LRRIQ1: variants seen among roughly 807,000 people sequenced by gnomAD.
The protein encoded by LRRIQ1 is leucine-rich repeat- and IQ domain-containing protein 1.
In LRRIQ1, 210 loss-of-function variants were observed where a neutral mutation model predicts 211.9. That is an observed-to-expected ratio of 0.99 (90% confidence interval 0.89 to 1.11). The LOEUF is 1.11. Among genes scored for constraint, LRRIQ1 ranks in the 50% most tolerant of loss-of-function variants. The pLI, the probability that LRRIQ1 is intolerant of heterozygous loss-of-function variation, is 0.00. For synonymous variants in LRRIQ1, 699 were observed against 650.1 expected, an observed-to-expected ratio of 1.08 and a Z score of -1.14; for missense variants, 2,136 against 1,939.5, an observed-to-expected ratio of 1.10 and a Z score of -1.90.
chr12:85,046,301 A>G (rs187690645), intron 5 of LRRIQ1, among the ~76,000 whole-genome samples, 164 bp downstream of exon 5: 161 of 152,324 alleles, frequency 1.1e-3, no homozygotes, highest in African/African-American at 3.7e-3. Flanking sequence ...ACATATCATC[A>G]TACTTTTATG....
At chr12:85,229,476 C>T (rs1473475842) in intron 24 of LRRIQ1, 41 bp from the exon 25 acceptor site, 3 of 1,520,436 alleles carry the variant, frequency 2.0e-6, no homozygotes, top group East Asian at 4.8e-5. Context: ...AAAGTTTGGT[C>T]TCTTTAAATA....
intron 24 of LRRIQ1, among the ~76,000 whole-genome samples, chr12:85,164,276 T>C (rs1036026691): frequency 6.6e-6 from 1 of 152,206 alleles, no homozygotes; most frequent in Non-Finnish European, 1.5e-5. Flanking sequence ...CATAGCTTAA[T>C]GGACATTAGT....
At chr12:85,249,745 T>C (rs1173238150), downstream of LRRIQ1, among the ~76,000 whole-genome samples, 1 of 151,958 alleles carries the variant, frequency 6.6e-6, no homozygotes, top group Non-Finnish European at 1.5e-5. Flanking sequence ...CAAAAACATT[T>C]TCTTTAACAT....
intron 24 of LRRIQ1, among the ~76,000 whole-genome samples, chr12:85,163,693 A>T (rs1473275676): frequency 6.6e-6 from 1 of 152,150 alleles, no homozygotes; most frequent in Non-Finnish European, 1.5e-5. Context: ...AGGATGGTAG[A>T]TATATCTCTG....
intron 8 of LRRIQ1, among the ~76,000 whole-genome samples, chr12:85,059,287 G>C (rs1026619497): frequency 6.6e-6 from 1 of 151,916 alleles, no homozygotes; most frequent in Non-Finnish European, 1.5e-5. Context: ...GACATAAATC[G>C]GATCTTCGTG....
intron 23 of LRRIQ1, among the ~76,000 whole-genome samples, chr12:85,156,963 G>C (rs1890584300): frequency 6.6e-6 from 1 of 151,884 alleles, no homozygotes; most frequent in Non-Finnish European, 1.5e-5. Flanking sequence ...TTCTGCCACA[G>C]AAAACCTTAG....
At chr12:85,263,380 T>C (rs1257557213) in exon 2 of LRRIQ1, among the ~76,000 whole-genome samples, 2 of 152,080 alleles carry the variant, frequency 1.3e-5, no homozygotes, top group Non-Finnish European at 2.9e-5. Flanking sequence ...CAATAATAAA[T>C]ATTAATGCTA....
At chr12:85,124,781 G>C (rs942509902) in intron 17 of LRRIQ1, 10 of 338,302 alleles carry the variant, frequency 3.0e-5, no homozygotes, top group Non-Finnish European at 4.9e-5. Context: ...TTTCTGCCTT[G>C]TAATTTCTAA....
intron 15 of LRRIQ1, among the ~76,000 whole-genome samples, chr12:85,118,645 T>A (rs978003723): frequency 2.0e-5 from 3 of 152,064 alleles, no homozygotes; most frequent in Non-Finnish European, 4.4e-5. Flanking sequence ...CTAGGCATTT[T>A]TGCCTTCATG....
chr12:85,037,044 C>A (rs1878206112), intron 1 of LRRIQ1, among the ~76,000 whole-genome samples: 2 of 152,156 alleles, frequency 1.3e-5, no homozygotes, highest in African/African-American at 2.4e-5. Context: ...CAACAGATTT[C>A]TAAGAATTAC....
At chr12:85,105,457 C>T (rs924300070) in intron 14 of LRRIQ1, among the ~76,000 whole-genome samples, 4 of 151,658 alleles carry the variant, frequency 2.6e-5, no homozygotes, top group Non-Finnish European at 2.9e-5. Context: ...TTTTCATAAT[C>T]GAATTACTTT....
chr12:85,217,466 GTATATATA>G (rs1176544778), intron 24 of LRRIQ1, among the ~76,000 whole-genome samples: 8 of 67,026 alleles, frequency 1.2e-4, no homozygotes, highest in Non-Finnish European at 1.9e-4. Flanking sequence ...GGGACCTGAA[GTATATATA>G]TATATATATA....
At chr12:85,257,577 T>A (rs1896156707) in intron 1 of LRRIQ1, among the ~76,000 whole-genome samples, 1 of 151,616 alleles carries the variant, frequency 6.6e-6, no homozygotes, top group Non-Finnish European at 1.5e-5. Flanking sequence ...ATTTAAAAGT[T>A]TAAACACCCA....
chr12:85,272,452 A>T, the LRRIQ1 span, among the ~76,000 whole-genome samples: 1 of 152,204 alleles, frequency 6.6e-6, no homozygotes, highest in Non-Finnish European at 1.5e-5. Context: ...TAAAATAAAA[A>T]ATTTCAAGAA....
chr12:85,043,518 C>A (rs1208563810), intron 3 of LRRIQ1, among the ~76,000 whole-genome samples: 3 of 152,080 alleles, frequency 2.0e-5, no homozygotes, highest in Non-Finnish European at 4.4e-5. Flanking sequence ...ATGATCTTTT[C>A]TCAGACATCA....
intron 1 of LRRIQ1, among the ~76,000 whole-genome samples, chr12:85,250,826 T>A (rs1895892139): frequency 8.5e-6 from 1 of 117,182 alleles, no homozygotes; most frequent in Admixed American, 1.2e-4. Context: ...TAATATATAT[T>A]ATAGATTATA....
In LRRIQ1 at chr12:85,181,288, A is replaced by G. The variant is rs534209769; in HGVS notation, c.4822+20574A>G. On this transcript the variant is annotated intron_variant, in intron 24 of 26. Coordinates refer to ENST00000393217, the MANE Select transcript of LRRIQ1 (RefSeq NM_001079910.2). Reference sequence around the variant, plus strand: ...TTATAAAGATAAAATTTATATTGCAATATTTTTCATGAAGAATAGAAAAAC... The same window carrying G: ...TTATAAAGATAAAATTTATATTGCAGTATTTTTCATGAAGAATAGAAAAAC... 5.3e-5 allele frequency among the ~76,000 whole-genome samples: 8 copies of G among 152,088 alleles called. No homozygotes were observed. The South Asian group carries it at 1.5e-3, about 28-fold the overall frequency.
rs371312575 is a variant in LRRIQ1 at position 85,253,013 on chromosome 12, A to G, written c.121+8104A>G. On this transcript the variant is annotated intron_variant, in intron 1 of 1. Coordinates refer to the LRRIQ1 transcript ENST00000602731. Reference sequence around the variant, plus strand: ...TTTTTTTAAAGTAGAGCTTAAGTTTATTTTCAAAAATAAAAAAAAGTAATG... The same window carrying G: ...TTTTTTTAAAGTAGAGCTTAAGTTTGTTTTCAAAAATAAAAAAAAGTAATG... Among the ~76,000 whole-genome samples, 8 of 152,084 alleles carry G rather than the reference A, an allele frequency of 5.3e-5. No homozygotes were observed. The East Asian group carries it at 5.8e-4, about 11-fold the overall frequency.
chr12:85,127,540 A>G (rs1233494090), intron 17 of LRRIQ1, among the ~76,000 whole-genome samples: 2 of 152,126 alleles, frequency 1.3e-5, no homozygotes, highest in African/African-American at 2.4e-5. Flanking sequence ...TCTCTGGACA[A>G]ATATCCCCAG....
Sources: gnomAD v4.1 joint callset for allele counts (sites outside exome capture counted in the v4.1 genomes callset) on GRCh38, gnomAD v4.1.1 for gene constraint, MANE v1.5 for transcripts, NCBI Gene and HGNC (gene_info 2026-07-23, HGNC 2026-07-21) for gene names.